Variants in KCTD16 observed in about 807,000 individuals in gnomAD.
KCTD16 encodes potassium channel tetramerization domain containing 16.
In KCTD16, 13 loss-of-function variants were observed where a neutral mutation model predicts 33.2. The ratio of observed to expected loss-of-function variants is 0.39; its 90% confidence interval spans 0.25 to 0.62. KCTD16 has a LOEUF of 0.62. Among genes scored for constraint, KCTD16 ranks in the 20% least tolerant of loss-of-function variants. KCTD16 has a pLI of 0.50. For synonymous variants in KCTD16, 197 were observed against 195.3 expected, an observed-to-expected ratio of 1.01 and a Z score of -0.07; for missense variants, 441 against 525.1, an observed-to-expected ratio of 0.84 and a Z score of 1.57.
At chr5:144,467,099 T>C (rs1453597648) in intron 3 of KCTD16, among the ~76,000 whole-genome samples, 2 of 141,012 alleles carry the variant, frequency 1.4e-5, no homozygotes, top group Non-Finnish European at 3.0e-5. Flanking sequence ...ATATATTATA[T>C]ATAATATATA....
intron 3 of KCTD16, among the ~76,000 whole-genome samples, chr5:144,413,093 C>T (rs970193978): frequency 9.9e-5 from 15 of 152,260 alleles, no homozygotes; most frequent in African/African-American, 3.6e-4. Context: ...TACATTTTTG[C>T]ATGTACCCTG....
chr5:144,316,508 CTT>C (rs398050808), intron 3 of KCTD16, among the ~76,000 whole-genome samples: 4 of 119,928 alleles, frequency 3.3e-5, no homozygotes, highest in Admixed American at 9.2e-5. Context: ...TGTTTTTTGT[CTT>C]TTTTTTTTTT....
intron 3 of KCTD16, among the ~76,000 whole-genome samples, chr5:144,441,274 T>C (rs1018417290): frequency 6.6e-6 from 1 of 152,154 alleles, no homozygotes; most frequent in African/African-American, 2.4e-5. Context: ...TGATGCAGTT[T>C]ATCTATTTTC....
intron 3 of KCTD16, among the ~76,000 whole-genome samples, chr5:144,331,796 T>C (rs185674218): frequency 6.6e-6 from 1 of 152,312 alleles, no homozygotes; most frequent in East Asian, 1.9e-4. Flanking sequence ...ATGCACTGAA[T>C]GTGATTATCT....
At chr5:144,464,486 C>G (rs1304891544) in intron 3 of KCTD16, among the ~76,000 whole-genome samples, 2 of 152,182 alleles carry the variant, frequency 1.3e-5, no homozygotes, top group African/African-American at 4.8e-5. Flanking sequence ...ATAGAGGCCA[C>G]AGATGTTGCC....
chr5:144,284,189 A>G (rs989580521), intron 3 of KCTD16, among the ~76,000 whole-genome samples: 1 of 152,150 alleles, frequency 6.6e-6, no homozygotes, highest in Admixed American at 6.5e-5. Context: ...GGATTGGGCT[A>G]TTTTCCCACT....
chr5:144,411,423 TATG>T (rs1752929955), intron 3 of KCTD16, among the ~76,000 whole-genome samples: 1 of 152,098 alleles, frequency 6.6e-6, no homozygotes, highest in African/African-American at 2.4e-5. Flanking sequence ...GTCAAGAACA[TATG>T]ATAGAGAAAA....
chr5:144,369,594 A>G (rs528685716), intron 3 of KCTD16, among the ~76,000 whole-genome samples: 15 of 152,280 alleles, frequency 9.9e-5, no homozygotes, highest in African/African-American at 3.4e-4. Flanking sequence ...TTTAAGACTA[A>G]TGTCCTATAA....
At chr5:144,466,944 CGTTACTATATAT>C (rs1754344336) in intron 3 of KCTD16, among the ~76,000 whole-genome samples, 5 of 133,886 alleles carry the variant, frequency 3.7e-5, no homozygotes, top group South Asian at 2.3e-4. Context: ...AAGAGTTAAC[CGTTACTATATAT>C]ATTATATATA....
At chr5:144,273,071 G>A (rs1755344806) in intron 3 of KCTD16, among the ~76,000 whole-genome samples, 1 of 152,114 alleles carries the variant, frequency 6.6e-6, no homozygotes, top group African/African-American at 2.4e-5. Context: ...TATCAATCAT[G>A]TATCTGATAA....
intron 3 of KCTD16, among the ~76,000 whole-genome samples, chr5:144,325,026 G>A (rs535998251): frequency 1.3e-5 from 2 of 152,276 alleles, no homozygotes; most frequent in East Asian, 1.9e-4. Flanking sequence ...CGTGGTACAC[G>A]TTTACTTATG....
At chr5:144,177,793 A>T (rs1316133726) in intron 2 of KCTD16, among the ~76,000 whole-genome samples, 1 of 152,202 alleles carries the variant, frequency 6.6e-6, no homozygotes, top group Non-Finnish European at 1.5e-5. Context: ...TAAGGACTTC[A>T]ATATGTCTTT....
At position 144,398,665 on chromosome 5, in the gene KCTD16, A is replaced by C. The variant is rs560783688; in HGVS notation, c.833-74995A>C. ...TCTATAAAAAAGAGTAGTTATACAA[A>C]TAACCTAATATAAATACCTTTGAAT... On this transcript the variant is annotated intron_variant, in intron 3 of 3. Transcript: ENST00000512467. Among the ~76,000 whole-genome samples the C allele has an allele frequency of 4.0e-4, 61 of 152,178 alleles. 1 individual carries two copies. The highest frequency in any genetic ancestry group is 1.4e-3 in the African/African-American group (58 of 41,544).
At position 144,384,752 on chromosome 5, in the gene KCTD16, TGTG is replaced by T. The variant is rs1752287452; in HGVS notation, c.833-88905_833-88903del. 2.0e-5 allele frequency among the ~76,000 whole-genome samples: 3 copies of T among 152,312 alleles called. No individual in the cohort carries two copies. In the South Asian group the frequency reaches 6.2e-4, roughly 32 times the overall value. On this transcript the variant is annotated intron_variant, in intron 3 of 3. Transcript: ENST00000512467. ...AAATGCTACAAAACAAATGAACTGT[TGTG>T]GTAATATTGGACAATTTTTAGGGTC...
In KCTD16 at chr5:144,215,278, G is replaced by A. The variant is rs188799042; in HGVS notation, c.832+7732G>A. Among the ~76,000 whole-genome samples the A allele has an allele frequency of 1.5e-4, 23 of 152,262 alleles. No individual in the cohort carries two copies. In the East Asian group the frequency reaches 4.1e-3, roughly 27 times the overall value. On this transcript the variant is annotated intron_variant, in intron 3 of 3. Coordinates refer to ENST00000512467, the MANE Select transcript of KCTD16 (RefSeq NM_020768.4). ...TCCAAGCAGGAGTAAATTGAAGCTG[G>A]ATGTGACCAGGGTTTAAGGAGCAAC... is the stretch of plus-strand genomic sequence containing the variant.
intron 2 of KCTD16, chr5:144,205,352 C>T: frequency 2.5e-6 from 1 of 395,196 alleles, no homozygotes; most frequent in Non-Finnish European, 4.5e-6. Context: ...ATAGTCATTT[C>T]CCTGGATGGT....
intron 3 of KCTD16, among the ~76,000 whole-genome samples, chr5:144,426,398 G>C (rs749994668): frequency 6.6e-6 from 1 of 151,996 alleles, no homozygotes; most frequent in Non-Finnish European, 1.5e-5. Context: ...CTCTTCTATT[G>C]AGCTCTCACC....
chr5:144,304,529 G>T (rs528317818), intron 3 of KCTD16, among the ~76,000 whole-genome samples: 1 of 152,170 alleles, frequency 6.6e-6, no homozygotes, highest in Non-Finnish European at 1.5e-5. Flanking sequence ...GCTTAATTAC[G>T]CTTCACAGAC....
At chr5:144,357,723 G>A (rs1240215471) in intron 3 of KCTD16, among the ~76,000 whole-genome samples, 1 of 152,146 alleles carries the variant, frequency 6.6e-6, no homozygotes, top group Non-Finnish European at 1.5e-5. Flanking sequence ...GGTGGAGAAA[G>A]AGGTGAAGGA....
Sources: allele counts gnomAD v4.1 joint callset (sites outside exome capture counted in the v4.1 genomes callset), GRCh38; gene constraint gnomAD v4.1.1; transcripts MANE v1.5; gene names NCBI Gene and HGNC (gene_info 2026-07-23, HGNC 2026-07-21).